Variants in CFAP20DC observed in about 807,000 individuals in gnomAD.
The protein encoded by CFAP20DC is protein CFAP20DC.
A neutral mutation model predicts 101.7 loss-of-function variants in CFAP20DC; 84 were observed. The ratio of observed to expected loss-of-function variants is 0.83; its 90% CI spans 0.69 to 0.99. The LOEUF is 0.99. Ranked by LOEUF, CFAP20DC falls within the 50% of genes least tolerant of loss-of-function variation. The pLI is 0.00. For missense variants in CFAP20DC, 1,007 were observed against 970.3 expected (o/e 1.04, Z -0.50); for synonymous variants, 359 against 351.2 (o/e 1.02, Z -0.25).
rs373366110 is a variant in CFAP20DC at position 58,849,112 on chromosome 3, G to T, written c.1891C>A (p.Gln631Lys). 4.4e-5 allele frequency: 68 copies of T among 1,536,080 alleles called. 1 individual carries two copies. The African/African-American group carries it at 8.3e-4, about 19-fold the overall frequency. ...TTGTTTAGTGAAGCTGGCACTTGCT[G>T]GGCTGATAGATCCTTCGCTTTGATT... is the stretch of plus-strand genomic sequence containing the variant. ...PVIKAKDLSA[Q>K]QVPASLNKTS... The change falls in exon 13 of 17, where the codon CAG becomes AAG. Residue 631 changes from glutamine to lysine, a missense_variant. By Grantham distance (53) the Gln-to-Lys change is moderately conservative. Transcript: ENST00000482387.
At chr3:58,866,231 TGCTCTCA>T (rs1411784156) in intron 11 of CFAP20DC, among the ~76,000 whole-genome samples, 2 of 152,244 alleles carry the variant, frequency 1.3e-5, no homozygotes, top group East Asian at 1.9e-4. Flanking sequence ...ATGGGCTCAA[TGCTCTCA>T]GCTCCAACCA....
intron 7 of CFAP20DC, among the ~76,000 whole-genome samples, chr3:58,883,931 G>T (rs2081405370): frequency 6.6e-6 from 1 of 152,114 alleles, no homozygotes; most frequent in African/African-American, 2.4e-5. Flanking sequence ...AACAGCTCTG[G>T]TGTCTATCAC....
chr3:58,852,087 AC>A (rs1422941704), intron 12 of CFAP20DC, among the ~76,000 whole-genome samples: 2 of 152,048 alleles, frequency 1.3e-5, no homozygotes, highest in Non-Finnish European at 2.9e-5. Context: ...TGACTGGTCC[AC>A]TTTTGCTTTG....
chr3:58,720,646 G>A (rs942053229), intron 3 of CFAP20DC, among the ~76,000 whole-genome samples: 1 of 152,160 alleles, frequency 6.6e-6, no homozygotes, highest in Non-Finnish European at 1.5e-5. Flanking sequence ...AATCTTCTTG[G>A]AGGCATTCCC....
At chr3:58,993,223 C>T (rs1368244969) in intron 4 of CFAP20DC, among the ~76,000 whole-genome samples, 3 of 152,076 alleles carry the variant, frequency 2.0e-5, no homozygotes, top group Non-Finnish European at 4.4e-5. Context: ...TCCTAAAATG[C>T]AGTACATATT....
At chr3:58,915,651 T>C (rs964682701) in intron 5 of CFAP20DC, among the ~76,000 whole-genome samples, 1 of 152,158 alleles carries the variant, frequency 6.6e-6, no homozygotes, top group African/African-American at 2.4e-5. Context: ...CAGTTACTAC[T>C]GAGGGGGCTC....
intron 4 of CFAP20DC, among the ~76,000 whole-genome samples, chr3:59,032,488 T>C (rs1485575851): frequency 6.6e-6 from 1 of 152,046 alleles, no homozygotes; most frequent in Admixed American, 6.5e-5. Flanking sequence ...CTAAAGTCAA[T>C]CTGGAACACT....
chr3:59,014,383 T>A lies in CFAP20DC; in HGVS notation c.278+25174A>T, dbSNP rs1051556291. Among the ~76,000 whole-genome samples the A allele has an allele frequency of 3.9e-5, 6 of 152,218 alleles. No individual in the cohort carries two copies. The highest frequency in any genetic ancestry group is 1.4e-4 in the African/African-American group (6 of 41,560). ...TGATGTAGAATGCAAATAAAAAAGA[T>A]AAGGTGACTGGATAATGTTCTACTT... On this transcript the variant is annotated intron_variant, in intron 4 of 16. Coordinates refer to ENST00000482387, the MANE Select transcript of CFAP20DC (RefSeq NM_001394063.1). This position sits in a 1 kb window ranked among gnomAD's most constrained non-coding sequence, Gnocchi z 4.9.
At chr3:58,986,794 G>C (rs1326587796) in intron 4 of CFAP20DC, among the ~76,000 whole-genome samples, 1 of 151,740 alleles carries the variant, frequency 6.6e-6, no homozygotes, top group Non-Finnish European at 1.5e-5. Context: ...CATGCTACAG[G>C]TACTCTCACG....
At chr3:58,994,874 G>T (rs2093062335) in intron 4 of CFAP20DC, among the ~76,000 whole-genome samples, 1 of 151,894 alleles carries the variant, frequency 6.6e-6, no homozygotes, top group African/African-American at 2.4e-5. Context: ...AATTCCGGCA[G>T]GTGAGGGAAG....
At chr3:58,802,512 T>C (rs1023196929) in intron 15 of CFAP20DC, among the ~76,000 whole-genome samples, 1 of 152,216 alleles carries the variant, frequency 6.6e-6, no homozygotes, top group African/African-American at 2.4e-5. Flanking sequence ...TGTTTAAATA[T>C]CAGTTAGTGT....
intron 14 of CFAP20DC, among the ~76,000 whole-genome samples, chr3:58,818,884 C>T (rs552480278): frequency 7.1e-6 from 1 of 140,544 alleles, no homozygotes; most frequent in East Asian, 2.1e-4. Flanking sequence ...TGACCACATA[C>T]TGGGAAGTAA....
chr3:58,938,284 C>G (rs759883321), intron 4 of CFAP20DC, among the ~76,000 whole-genome samples: 1 of 152,200 alleles, frequency 6.6e-6, no homozygotes, highest in Non-Finnish European at 1.5e-5. Context: ...TAATACACAA[C>G]TTTATCGCTC....
intron 4 of CFAP20DC, among the ~76,000 whole-genome samples, chr3:58,938,722 T>C (rs1298658044): frequency 1.3e-5 from 2 of 152,138 alleles, no homozygotes; most frequent in Admixed American, 1.3e-4. Flanking sequence ...CTTCCCACTT[T>C]TCTAATCTCG....
chr3:59,023,218 T>A (rs1028753042), intron 4 of CFAP20DC, among the ~76,000 whole-genome samples: 3 of 151,726 alleles, frequency 2.0e-5, no homozygotes, highest in African/African-American at 7.3e-5. Context: ...CAACAGTATA[T>A]CAACACATTT....
intron 6 of CFAP20DC, among the ~76,000 whole-genome samples, chr3:58,901,885 T>C (rs1346720884): frequency 6.6e-6 from 1 of 152,184 alleles, no homozygotes; most frequent in Admixed American, 6.5e-5. Flanking sequence ...CACTCCAAAA[T>C]AAAACCCCTT....
intron 4 of CFAP20DC, among the ~76,000 whole-genome samples, chr3:58,997,472 A>G (rs559527069): frequency 7.9e-5 from 12 of 152,346 alleles, no homozygotes; most frequent in South Asian, 4.1e-4. Flanking sequence ...CAGCACTCCT[A>G]GATTGTTAGC....
chr3:58,816,259 A>T (rs2075123945), intron 14 of CFAP20DC, among the ~76,000 whole-genome samples: 1 of 152,124 alleles, frequency 6.6e-6, no homozygotes, highest in African/African-American at 2.4e-5. Flanking sequence ...CTATCGCAAG[A>T]ACAAAAAACC....
intron 4 of CFAP20DC, among the ~76,000 whole-genome samples, chr3:59,030,362 C>T (rs1487028859): frequency 1.3e-5 from 2 of 152,210 alleles, no homozygotes; most frequent in African/African-American, 4.8e-5. Flanking sequence ...TGATCTCTGT[C>T]ACTACTTCCT....
Sources: allele counts gnomAD v4.1 joint callset (sites outside exome capture counted in the v4.1 genomes callset), GRCh38; gene constraint gnomAD v4.1.1; non-coding constraint Gnocchi (gnomAD v3.1); transcripts MANE v1.5; gene names NCBI Gene and HGNC (gene_info 2026-07-23, HGNC 2026-07-21).